The following LANCL3 variants were observed in gnomAD, a reference collection of about 807,000 sequenced individuals.
LANCL3 encodes the protein lanC-like protein 3.
In LANCL3, 19 loss-of-function variants were observed where a neutral mutation model predicts 26.5. The ratio of observed to expected loss-of-function variants is 0.72; its 90% CI spans 0.50 to 1.05. The LOEUF (loss-of-function observed/expected upper bound fraction) is 1.05, where lower values mean the gene tolerates loss of function less well. Among genes scored for constraint, LANCL3 ranks in the 50% least tolerant of loss-of-function variants. LANCL3 has a pLI of 0.00. For synonymous variants in LANCL3, 160 were observed against 166.6 expected (o/e 0.96, Z 0.30); for missense variants, 318 against 362.7 (o/e 0.88, Z 1.00).
intron 1 of LANCL3, among the ~76,000 whole-genome samples, chrX:37,589,974 T>C (rs571787117): frequency 8.9e-6 from 1 of 112,724 alleles, no homozygotes; most frequent in African/African-American, 3.2e-5. Context: ...TTGTGTGAAT[T>C]ACTCTGCACT....
intron 1 of LANCL3, among the ~76,000 whole-genome samples, chrX:37,607,550 A>G (rs782815008): frequency 1.8e-5 from 2 of 112,784 alleles, no homozygotes; most frequent in Non-Finnish European, 3.7e-5. Context: ...TTATCAGCAG[A>G]TAAAAAGAAA....
At chrX:37,594,644 G>T (rs1602099560) in intron 1 of LANCL3, among the ~76,000 whole-genome samples, 1 of 112,014 alleles carries the variant, frequency 8.9e-6, no homozygotes, top group Non-Finnish European at 1.9e-5. Context: ...AATGTTAAAC[G>T]AAATTCCCCA....
At chrX:37,635,900 A>T (rs1384175467) in intron 1 of LANCL3, among the ~76,000 whole-genome samples, 1 of 110,563 alleles carries the variant, frequency 9.0e-6, no homozygotes, top group South Asian at 3.9e-4. Context: ...AGATTATTTC[A>T]TCACCCAGGT....
chrX:37,645,498 G>A (rs782209690), intron 1 of LANCL3, among the ~76,000 whole-genome samples: 5 of 112,355 alleles, frequency 4.5e-5, no homozygotes, highest in Non-Finnish European at 9.4e-5. Flanking sequence ...GCTCCTCAGT[G>A]GAGCATGCAA....
At chrX:37,652,667 G>A (rs782307768) in intron 1 of LANCL3, among the ~76,000 whole-genome samples, 1 of 112,182 alleles carries the variant, frequency 8.9e-6, no homozygotes, top group Admixed American at 9.4e-5. Context: ...AGGGAGCCCC[G>A]CTCTGCCATT....
intron 1 of LANCL3, among the ~76,000 whole-genome samples, chrX:37,654,720 A>T (rs1348727686): frequency 1.8e-5 from 2 of 111,976 alleles, no homozygotes; most frequent in Non-Finnish European, 3.8e-5. Flanking sequence ...TTACTCACTC[A>T]TCGGTTGTGA....
chrX:37,622,225 T>C (rs17145867), intron 1 of LANCL3, among the ~76,000 whole-genome samples: 3,238 of 111,113 alleles, frequency 0.029, 118 homozygotes, highest in African/African-American at 0.1. Context: ...TCCAATGCTT[T>C]CATGTCAATA....
intron 3 of LANCL3, among the ~76,000 whole-genome samples, chrX:37,666,305 C>T (rs1231731304): frequency 8.9e-6 from 1 of 112,006 alleles, no homozygotes; most frequent in Non-Finnish European, 1.9e-5. Context: ...CTGGCTTCTT[C>T]CACAGAGGCA....
chrX:37,573,331 C>T (rs28612183), intron 1 of LANCL3, among the ~76,000 whole-genome samples: 1 of 111,982 alleles, frequency 8.9e-6, no homozygotes, highest in Non-Finnish European at 1.9e-5. Context: ...TTCATAATCC[C>T]CTGGAGCCAA....
intron 1 of LANCL3, among the ~76,000 whole-genome samples, chrX:37,627,485 C>T (rs1167640789): frequency 9.0e-6 from 1 of 111,477 alleles, no homozygotes; most frequent in African/African-American, 3.3e-5. Context: ...TCAAAGGATG[C>T]TCTGAATCAG....
At chrX:37,636,599 A>G (rs1193905485) in intron 1 of LANCL3, among the ~76,000 whole-genome samples, 3 of 112,731 alleles carry the variant, frequency 2.7e-5, no homozygotes, top group African/African-American at 6.4e-5. Context: ...GTCCTCTTCC[A>G]TGACATTTTT....
intron 1 of LANCL3, among the ~76,000 whole-genome samples, chrX:37,604,628 C>T (rs1018288357): frequency 3.6e-5 from 4 of 111,903 alleles, no homozygotes; most frequent in African/African-American, 1.3e-4. Context: ...CTCACTTATA[C>T]GTTTTTCAGC....
At chrX:37,583,996 A>G (rs1602093849) in intron 1 of LANCL3, among the ~76,000 whole-genome samples, 2 of 111,882 alleles carry the variant, frequency 1.8e-5, no homozygotes, top group Admixed American at 9.4e-5. Context: ...CGTCCCATCA[A>G]TACCTAATTT....
intron 1 of LANCL3, among the ~76,000 whole-genome samples, chrX:37,577,505 T>C (rs1923781116): frequency 8.9e-6 from 1 of 112,540 alleles, no homozygotes; most frequent in Admixed American, 9.4e-5. Flanking sequence ...GGTGACAAAG[T>C]TACAAGTACA....
In LANCL3 at chrX:37,636,594, C is replaced by T. The variant is rs782819281; in HGVS notation, c.574-19094C>T. ...TATATGGGTAAGTACAGTCTGTCCT[C>T]TTCCATGACATTTTTCTCACCTCGT... On this transcript the variant is annotated intron_variant, in intron 1 of 4. Coordinates refer to ENST00000378619, the MANE Select transcript of LANCL3 (RefSeq NM_001170331.2). Among the ~76,000 whole-genome samples, 3 of 112,675 alleles carry T rather than the reference C, an allele frequency of 2.7e-5. No homozygotes were observed. The South Asian group carries it at 1.1e-3, about 41-fold the overall frequency.
At chrX:37,661,778 G>GA (rs1926427763) in intron 3 of LANCL3, among the ~76,000 whole-genome samples, 1 of 112,302 alleles carries the variant, frequency 8.9e-6, no homozygotes, top group African/African-American at 3.2e-5. Context: ...CTAATTCTGT[G>GA]ATTAAAAACC....
intron 1 of LANCL3, among the ~76,000 whole-genome samples, chrX:37,630,357 C>A (rs1382180901): frequency 7.2e-5 from 8 of 111,160 alleles, no homozygotes; most frequent in African/African-American, 1.6e-4. Flanking sequence ...TGGGCTGAGA[C>A]GATGGGGTTT....
intron 1 of LANCL3, among the ~76,000 whole-genome samples, chrX:37,628,736 C>G (rs1196424801): frequency 9.3e-6 from 1 of 107,401 alleles, no homozygotes; most frequent in South Asian, 4.2e-4. Context: ...CTGAGAATGA[C>G]GATTTCTAAT....
Position 37,676,456 on chromosome X carries a change from G to C in LANCL3, c.*643G>C, listed in dbSNP as rs186431904. 5.4e-5 allele frequency: 6 copies of C among 111,465 alleles called. No individual in the cohort carries two copies. The highest frequency in any genetic ancestry group is 1.1e-4 in the Non-Finnish European group (6 of 53,037). The allele number at this position is 111,465 out of a possible 1,213,427, so 9.2% of individuals were successfully genotyped here. On this transcript the variant is annotated 3_prime_UTR_variant, in exon 5 of 5. Coordinates refer to ENST00000378619, the MANE Select transcript of LANCL3 (RefSeq NM_001170331.2). ...GATACTAAAATTTGAAGTTTCCTTA[G>C]GCCCTAGAACATCTCTTTTCCTGGT...
Sources: gnomAD v4.1 joint callset for allele counts (sites outside exome capture counted in the v4.1 genomes callset) on GRCh38, gnomAD v4.1.1 for gene constraint, MANE v1.5 for transcripts, NCBI Gene and HGNC (gene_info 2026-07-23, HGNC 2026-07-21) for gene names.